The following OLFM3 variants were observed in gnomAD, a reference collection of about 807,000 sequenced individuals.
OLFM3 encodes the protein noelin-3.
OLFM3 carries 20 observed loss-of-function variants against 48.6 expected under a neutral mutation model. The observed-to-expected ratio is 0.41, with a 90% CI of 0.29 to 0.60. The LOEUF is 0.60. Among genes scored for constraint, OLFM3 ranks in the 20% least tolerant of loss-of-function variants. OLFM3 has a pLI of 0.28. For missense variants in OLFM3, 437 were observed against 544.3 expected (o/e 0.80, Z 1.96); for synonymous variants, 222 against 198.1 (o/e 1.12, Z -1.01).
At chr1:101,871,047 T>A (rs1657064242) in intron 1 of OLFM3, among the ~76,000 whole-genome samples, 1 of 152,178 alleles carries the variant, frequency 6.6e-6, no homozygotes. Flanking sequence ...ATAACTCTTG[T>A]ACATACTCAG....
chr1:101,860,489 CATA>C (rs1656606337), intron 1 of OLFM3, among the ~76,000 whole-genome samples: 6 of 151,862 alleles, frequency 4.0e-5, no homozygotes, highest in Admixed American at 3.9e-4. Flanking sequence ...CAAGGAATTC[CATA>C]ATTTTTTCAG....
chr1:101,889,527 A>G (rs1657906587), intron 1 of OLFM3, among the ~76,000 whole-genome samples: 1 of 152,108 alleles, frequency 6.6e-6, no homozygotes, highest in Admixed American at 6.6e-5. Flanking sequence ...GGGGAGGGAT[A>G]GCCTTAGGAG....
chr1:101,842,221 G>T (rs1021309769), intron 1 of OLFM3, among the ~76,000 whole-genome samples: 8 of 152,062 alleles, frequency 5.3e-5, no homozygotes, highest in African/African-American at 1.4e-4. Context: ...TAATAATAAT[G>T]AATAAAAACC....
At chr1:101,834,217 A>G (rs1655295914) in intron 2 of OLFM3, among the ~76,000 whole-genome samples, 1 of 152,232 alleles carries the variant, frequency 6.6e-6, no homozygotes, top group Non-Finnish European at 1.5e-5. Flanking sequence ...CGGATCTGTT[A>G]GAGCCACAAC....
chr1:101,946,261 C>T (rs1467150039), intron 1 of OLFM3, among the ~76,000 whole-genome samples: 1 of 152,058 alleles, frequency 6.6e-6, no homozygotes, highest in Non-Finnish European at 1.5e-5. Context: ...ATTTTCTCTG[C>T]AAATGTGAAT....
intron 1 of OLFM3, among the ~76,000 whole-genome samples, chr1:101,876,654 CATTAAA>C (rs902908267): frequency 1.3e-4 from 20 of 151,846 alleles, no homozygotes; most frequent in Admixed American, 1.3e-4. Flanking sequence ...ATAATTTTAG[CATTAAA>C]ATTCCAAATT....
chr1:101,989,147 T>C (rs1276075673), intron 1 of OLFM3, among the ~76,000 whole-genome samples: 3 of 152,072 alleles, frequency 2.0e-5, no homozygotes, highest in Admixed American at 1.3e-4. Flanking sequence ...TTTTGACATA[T>C]GGAGAAGAGG....
chr1:101,967,268 A>C (rs1171933980), intron 1 of OLFM3, among the ~76,000 whole-genome samples: 1 of 149,970 alleles, frequency 6.7e-6, no homozygotes, highest in Non-Finnish European at 1.5e-5. Flanking sequence ...CCCTATTCAA[A>C]ACTCTGACAA....
Position 101,805,952 on chromosome 1 carries a change from T to C in OLFM3, c.699+124A>G, listed in dbSNP as rs539280656. ...TGTTAATATTATCAAACAGAAAATA[T>C]TTGCAAATTATGTACCAGTTTTCAA... is the stretch of plus-strand genomic sequence containing the variant. On this transcript the variant is annotated intron_variant, in intron 5 of 5. Transcript: ENST00000370103. 5.1e-6 allele frequency: 3 copies of C among 585,640 alleles called. No individual in the cohort carries two copies. In the South Asian group the frequency reaches 8.9e-5, roughly 17 times the overall value. The allele number at this position is 585,640 out of a possible 1,614,324, so 36.3% of individuals were successfully genotyped here.
At chr1:101,869,351 T>G (rs1049030262) in intron 1 of OLFM3, among the ~76,000 whole-genome samples, 1 of 152,324 alleles carries the variant, frequency 6.6e-6, no homozygotes, top group African/African-American at 2.4e-5. Context: ...GTGATCATTT[T>G]GGAACTTTCT....
Position 101,860,689 on chromosome 1 carries a change from A to G in OLFM3, c.70-23664T>C, listed in dbSNP as rs979339304. On this transcript the variant is annotated intron_variant, in intron 1 of 5. Coordinates refer to ENST00000370103, the MANE Select transcript of OLFM3 (RefSeq NM_058170.4). The stretch of plus-strand genomic sequence containing the variant: ...ATGAAATCATGTATGTGTCTTTTAC[A>G]TGATATTAACTTCCATCATATTTAC... Among the ~76,000 whole-genome samples, 4 of 152,192 alleles carry G rather than the reference A, an allele frequency of 2.6e-5. No homozygotes were observed. The East Asian group carries it at 7.7e-4, about 29-fold the overall frequency.
At position 101,975,151 on chromosome 1, in the gene OLFM3, A is replaced by G. The variant is rs193064176; in HGVS notation, c.69+21597T>C. 5.9e-5 allele frequency among the ~76,000 whole-genome samples: 9 copies of G among 152,258 alleles called. No homozygotes were observed. The East Asian group carries it at 1.4e-3, about 23-fold the overall frequency. On this transcript the variant is annotated intron_variant, in intron 1 of 5. Coordinates refer to ENST00000370103, the MANE Select transcript of OLFM3 (RefSeq NM_058170.4). ...ATTTCAATTATCTGAAATTAACTCT[A>G]TATCTAGATTTCTCCCAGGTAAACA...
At chr1:101,964,285 GTGTA>G (rs1182450254) in intron 1 of OLFM3, among the ~76,000 whole-genome samples, 1 of 152,132 alleles carries the variant, frequency 6.6e-6, no homozygotes, top group East Asian at 1.9e-4. Context: ...TATTGCTGGA[GTGTA>G]TGGTAGAATG....
intron 1 of OLFM3, among the ~76,000 whole-genome samples, chr1:101,918,590 C>G (rs1553179745): frequency 7.1e-6 from 1 of 140,402 alleles, no homozygotes; most frequent in Non-Finnish European, 1.5e-5. Flanking sequence ...TTATAAGGTG[C>G]TTTTCCATTA....
intron 1 of OLFM3, chr1:101,893,077 C>T (rs1658064845): frequency 1.2e-5 from 2 of 165,968 alleles, no homozygotes; most frequent in African/African-American, 4.8e-5. Flanking sequence ...TTTTAATGCA[C>T]CTGTGAGCCA....
intron 1 of OLFM3, among the ~76,000 whole-genome samples, chr1:101,921,430 T>A (rs1355846457): frequency 6.6e-6 from 1 of 152,128 alleles, no homozygotes; most frequent in Non-Finnish European, 1.5e-5. Flanking sequence ...CCTCCCAACA[T>A]AAAGCTCTTC....
chr1:101,897,314 G>C (rs1352563076), intron 1 of OLFM3, among the ~76,000 whole-genome samples: 1 of 152,092 alleles, frequency 6.6e-6, no homozygotes, highest in Non-Finnish European at 1.5e-5. Context: ...CAATTATACT[G>C]TACTTATAAC....
chr1:101,979,259 C>A (rs999902018), intron 1 of OLFM3, among the ~76,000 whole-genome samples: 1 of 152,130 alleles, frequency 6.6e-6, no homozygotes, highest in Non-Finnish European at 1.5e-5. Context: ...TATATCATAT[C>A]CACCTCTAAC....
chr1:101,909,260 A>G (rs886502707), intron 1 of OLFM3, among the ~76,000 whole-genome samples: 18 of 148,752 alleles, frequency 1.2e-4, no homozygotes, highest in African/African-American at 4.1e-4. Context: ...TGCCTCAGAT[A>G]GAAAAAACAA....
Sources: gnomAD v4.1 joint callset for allele counts (sites outside exome capture counted in the v4.1 genomes callset) on GRCh38, gnomAD v4.1.1 for gene constraint, MANE v1.5 for transcripts, NCBI Gene and HGNC (gene_info 2026-07-23, HGNC 2026-07-21) for gene names.